Variants in RUNX1 observed in about 807,000 individuals in gnomAD.
The protein encoded by RUNX1 is RUNX family transcription factor 1.
Under a neutral mutation model 42.8 loss-of-function variants are expected in RUNX1, and 19 were observed. The ratio of observed to expected loss-of-function variants is 0.44; its 90% CI spans 0.31 to 0.65. The LOEUF (loss-of-function observed/expected upper bound fraction) is 0.65. Among genes scored for constraint, RUNX1 ranks in the 30% least tolerant of loss-of-function variants. The probability of loss-of-function intolerance (pLI) is 0.07; values close to 1 mark genes in which losing one functional copy is unlikely to be tolerated. For synonymous variants in RUNX1, 271 were observed against 289.4 expected, an observed-to-expected ratio of 0.94 and a Z score of 0.64; for missense variants, 528 against 672.0, an observed-to-expected ratio of 0.79 and a Z score of 2.37.
chr21:34,994,488 T>G (rs983236938), intron 2 of RUNX1, among the ~76,000 whole-genome samples: 1 of 152,088 alleles, frequency 6.6e-6, no homozygotes, highest in African/African-American at 2.4e-5. Context: ...TATTGTATAT[T>G]GCATGCCTAT....
At chr21:34,887,994 C>T in intron 3 of RUNX1, 1 of 1,066,152 alleles carries the variant, frequency 9.4e-7, no homozygotes, top group Non-Finnish European at 1.1e-6. Context: ...TTCTACAGCT[C>T]TCCCACATCT....
At chr21:34,992,612 A>T (rs2058952927) in intron 2 of RUNX1, among the ~76,000 whole-genome samples, 1 of 151,936 alleles carries the variant, frequency 6.6e-6, no homozygotes, top group African/African-American at 2.4e-5. Flanking sequence ...AAGAGGTATA[A>T]AGAAAAACTC....
In RUNX1 at chr21:35,037,053, G is replaced by A. The variant is rs2059313624; in HGVS notation, c.58+11789C>T. Reference sequence around the variant, plus strand: ...CCTGGGACACAAAATTCAAGGTGGTGCGCTCTCAAGCCCATGTAAATGCAA... The same window carrying A: ...CCTGGGACACAAAATTCAAGGTGGTACGCTCTCAAGCCCATGTAAATGCAA... On this transcript the variant is annotated intron_variant, in intron 2 of 8. Transcript: ENST00000675419. Among the ~76,000 whole-genome samples the A allele has an allele frequency of 2.0e-5, 3 of 152,142 alleles. No homozygotes were observed. In the South Asian group the frequency reaches 6.2e-4, roughly 32 times the overall value.
chr21:34,812,229 C>A (rs1158167077), intron 7 of RUNX1, among the ~76,000 whole-genome samples: 1 of 152,156 alleles, frequency 6.6e-6, no homozygotes, highest in East Asian at 1.9e-4. Context: ...TTCTAAGTTC[C>A]CCTGCTGCAG....
chr21:34,923,034 A>G (rs760401615), intron 2 of RUNX1, among the ~76,000 whole-genome samples: 1 of 152,216 alleles, frequency 6.6e-6, no homozygotes, highest in Non-Finnish European at 1.5e-5. Flanking sequence ...TTAGAATAAT[A>G]TGTAAGCCCA....
intron 2 of RUNX1, among the ~76,000 whole-genome samples, chr21:34,924,598 T>A (rs1317378416): frequency 6.6e-6 from 1 of 152,186 alleles, no homozygotes; most frequent in Non-Finnish European, 1.5e-5. Context: ...CGGTTTAGTA[T>A]CACTGAAAAA....
chr21:34,861,899 T>C (rs907431528), intron 5 of RUNX1, among the ~76,000 whole-genome samples: 2 of 152,080 alleles, frequency 1.3e-5, no homozygotes, highest in Non-Finnish European at 2.9e-5. Context: ...CTGAATGCAG[T>C]TTGCGGCTGT....
chr21:34,916,317 C>A (rs1263243580), intron 2 of RUNX1, among the ~76,000 whole-genome samples: 3 of 152,180 alleles, frequency 2.0e-5, no homozygotes, highest in African/African-American at 7.2e-5. Context: ...AAGAAAGCAA[C>A]AAACATGAAC....
intron 7 of RUNX1, among the ~76,000 whole-genome samples, chr21:34,812,845 T>C (rs922046650): frequency 6.6e-6 from 1 of 151,996 alleles, no homozygotes; most frequent in Non-Finnish European, 1.5e-5. Context: ...AATGGAGTAA[T>C]TTTTTTTAAA....
At chr21:35,044,329 T>G (rs773453455) in intron 2 of RUNX1, among the ~76,000 whole-genome samples, 1 of 152,204 alleles carries the variant, frequency 6.6e-6, no homozygotes, top group Non-Finnish European at 1.5e-5. Context: ...CTCCAGGGCA[T>G]TGTGACCTCT....
chr21:35,038,853 C>T (rs758652847), intron 2 of RUNX1: 2 of 416,784 alleles, frequency 4.8e-6, no homozygotes, highest in South Asian at 3.4e-5. Context: ...GAACCCTCTG[C>T]ATGGATGTGC....
At chr21:34,982,548 G>A (rs918834421) in intron 2 of RUNX1, among the ~76,000 whole-genome samples, 8 of 151,880 alleles carry the variant, frequency 5.3e-5, no homozygotes, top group South Asian at 2.1e-4. Context: ...TAATGATTGC[G>A]ATACTATTAC....
intron 2 of RUNX1, among the ~76,000 whole-genome samples, chr21:34,988,308 C>T (rs1306542260): frequency 3.9e-5 from 6 of 152,184 alleles, no homozygotes; most frequent in Non-Finnish European, 1.5e-5. Flanking sequence ...TGCTAAGAGA[C>T]TGGCATTGCT....
At chr21:34,845,507 C>A (rs193210442) in intron 6 of RUNX1, among the ~76,000 whole-genome samples, 1 of 152,234 alleles carries the variant, frequency 6.6e-6, no homozygotes, top group Non-Finnish European at 1.5e-5. Flanking sequence ...CTGTGTTACG[C>A]AGGCAATAGG....
At chr21:34,799,215 G>T in intron 8 of RUNX1, 86 bp downstream of exon 8, 1 of 1,413,726 alleles carries the variant, frequency 7.1e-7, no homozygotes, top group Non-Finnish European at 1.0e-6. Flanking sequence ...ACTCAATAAT[G>T]TTCTGCCAAC....
chr21:34,863,908 C>T (rs1720865459), intron 5 of RUNX1, among the ~76,000 whole-genome samples: 1 of 152,172 alleles, frequency 6.6e-6, no homozygotes, highest in Non-Finnish European at 1.5e-5. Context: ...GGTTCTCCCT[C>T]ACAAAGGGCT....
rs987635754 is a variant in RUNX1 at position 34,822,780 on chromosome 21, T to C, written c.805+11630A>G. On this transcript the variant is annotated intron_variant, in intron 7 of 8. Transcript: ENST00000675419. ...TCATTATATAATTTGCTATCTGATA[T>C]GTGCGGAGAGATGCACTAATGGAGT... Among the ~76,000 whole-genome samples the C allele has an allele frequency of 7.9e-5, 12 of 152,348 alleles. 1 individual carries two copies. Among genetic ancestry groups the C allele is most frequent in the African/African-American group, 1.4e-4 (6 of 41,580 alleles).
At chr21:35,041,850 T>C (rs2059361909) in intron 2 of RUNX1, among the ~76,000 whole-genome samples, 1 of 152,208 alleles carries the variant, frequency 6.6e-6, no homozygotes, top group Admixed American at 6.5e-5. Flanking sequence ...TTCATATTTC[T>C]ATCAGAGATA....
chr21:34,827,900 G>C (rs1319438927), intron 7 of RUNX1, among the ~76,000 whole-genome samples: 1 of 152,184 alleles, frequency 6.6e-6, no homozygotes, highest in African/African-American at 2.4e-5. Context: ...CCTACCACAG[G>C]GGAATACCAC....
Sources: allele counts gnomAD v4.1 joint callset (sites outside exome capture counted in the v4.1 genomes callset), GRCh38; gene constraint gnomAD v4.1.1; transcripts MANE v1.5; gene names NCBI Gene and HGNC (gene_info 2026-07-23, HGNC 2026-07-21).